MYH9: variants seen among roughly 807,000 people sequenced by gnomAD.
The protein encoded by MYH9 is myosin-9.
In MYH9, 29 loss-of-function variants were observed where a neutral mutation model predicts 241.9. The observed-to-expected ratio is 0.12, with a 90% CI of 0.09 to 0.16. The LOEUF is 0.16. MYH9 is among the 10% of genes least tolerant of loss of function. MYH9 has a pLI of 1.00. For missense variants in MYH9, 1,803 were observed against 2,595.5 expected, an observed-to-expected ratio of 0.69 and a Z score of 6.63; for synonymous variants, 1,047 against 1,062.6, an observed-to-expected ratio of 0.99 and a Z score of 0.29.
intron 1 of MYH9, among the ~76,000 whole-genome samples, chr22:36,368,297 T>C (rs1470972806): frequency 1.3e-5 from 2 of 152,226 alleles, no homozygotes; most frequent in Admixed American, 6.5e-5. Flanking sequence ...ATTCTAGTGG[T>C]ATCCCGTTTT....
intron 1 of MYH9, among the ~76,000 whole-genome samples, chr22:36,377,568 C>A (rs1414621321): frequency 6.6e-6 from 1 of 152,178 alleles, no homozygotes; most frequent in Admixed American, 6.5e-5. Context: ...TTAATCACCG[C>A]ACCTTGTTAT....
Position 36,301,572 on chromosome 22 carries a change from C to G in MYH9, c.2593G>C (p.Glu865Gln), listed in dbSNP as rs780342410. ...VKVREKQLAA[E>Q]NRLTEMETLQ... ...GTCTCCATCTCCGTGAGCCTGTTCT[C>G]CGCAGCCAGCTGCTTCTCTCTGACC... The change falls in exon 21 of 41, where the codon GAG becomes CAG. Residue 865 changes from glutamate (E) to glutamine (Q), a missense_variant. Glu to Gln is a conservative substitution (Grantham distance 29). This residue lies in a region of MYH9 where 290 missense variants were observed against 360.5 expected (regional missense o/e 0.80). Transcript: ENST00000216181. 2.5e-6 allele frequency: 4 copies of G among 1,614,004 alleles called. No homozygotes were observed. The highest frequency in any genetic ancestry group is 2.5e-6 in the Non-Finnish European group (3 of 1,180,038).
Position 36,306,316 on chromosome 22 carries a change from T to C in MYH9, c.2037+98A>G, listed in dbSNP as rs2016969262. ...AAACGACTGAAGGCTCTGTGCATGC[T>C]GGGGGGCTGGAGGGGTGCTTTTGCT... On this transcript the variant is annotated intron_variant, in intron 16 of 40. Coordinates refer to ENST00000216181, the MANE Select transcript of MYH9 (RefSeq NM_002473.6). The surrounding 1 kb of genome is among the most constrained non-coding windows in gnomAD (Gnocchi z 4.1). 1 of 1,491,068 alleles carries C rather than the reference T, an allele frequency of 6.7e-7. No individual in the cohort carries two copies. The highest frequency in any genetic ancestry group is 2.4e-5 in the East Asian group (1 of 42,374). The allele number at this position is 1,491,068 out of a possible 1,614,324, so 92.4% of individuals were successfully genotyped here.
chr22:36,301,043 T>C lies in MYH9; in HGVS notation c.2646A>G (p.Lys882=), dbSNP rs1382491012. 12 of 1,610,230 alleles carry C rather than the reference T, an allele frequency of 7.5e-6. No individual in the cohort carries two copies. In the South Asian group the frequency reaches 1.3e-4, roughly 18 times the overall value. The change falls in exon 22 of 41, where the codon AAA becomes AAG. Residue 882 remains lysine, a synonymous_variant. Transcript: ENST00000216181. ...ETLQSQLMAE[K]LQLQEQLQAE... is the part of the protein sequence containing the mutation. Reference sequence around the variant, plus strand: ...CCTGGAGCTGCTCCTGCAGCTGCAATTTCTCTGCCATGAGCTGCAAACAAC... The same window carrying C: ...CCTGGAGCTGCTCCTGCAGCTGCAACTTCTCTGCCATGAGCTGCAAACAAC...
chr22:36,348,172 A>T (rs1161737649), intron 2 of MYH9, among the ~76,000 whole-genome samples: 4 of 149,738 alleles, frequency 2.7e-5, no homozygotes, highest in African/African-American at 9.7e-5. Context: ...ATAAAATGTT[A>T]AAAAAGAAGA....
intron 10 of MYH9, among the ~76,000 whole-genome samples, chr22:36,319,041 T>G (rs554694965): frequency 1.1e-4 from 16 of 152,210 alleles, no homozygotes; most frequent in African/African-American, 2.6e-4. Context: ...GGATTACAGA[T>G]GTGAGCCACC....
Position 36,326,765 on chromosome 22 carries a change from C to T in MYH9, c.519-104G>A, listed in dbSNP as rs972064216. 76 of 962,998 alleles carry T rather than the reference C, an allele frequency of 7.9e-5. No homozygotes were observed. In the East Asian group the frequency reaches 1.7e-3, roughly 21 times the overall value. The allele number at this position is 962,998 out of a possible 1,614,324, so 59.7% of individuals were successfully genotyped here. A position where few individuals can be genotyped will look rare whatever the true frequency, so the allele number is the denominator to read the frequency against. On this transcript the variant is annotated intron_variant, in intron 4 of 40. Coordinates refer to ENST00000216181, the MANE Select transcript of MYH9 (RefSeq NM_002473.6). The stretch of plus-strand genomic sequence containing the variant: ...ACTGCCTCGCATTCTGTTGGGTGCC[C>T]GTGAAGGACCCAACGTGTGGCAGAA...
At chr22:36,289,401 T>C (rs2146332440) in intron 31 of MYH9, 104 bp from the exon 32 acceptor site, 1 of 1,082,982 alleles carries the variant, frequency 9.2e-7, no homozygotes, top group Non-Finnish European at 1.4e-6. Context: ...GAGGCCACGG[T>C]GGAGAGGAGC....
At position 36,281,343 on chromosome 22, in the gene MYH9, T is replaced by A. The variant is rs1229388033; in HGVS notation, c.*1325A>T. ...ACATCTGTAAACCAGCTTACTGTAG[T>A]GGTGACAGCTGCAACACATGCTAAG... is the stretch of plus-strand genomic sequence containing the variant. On this transcript the variant is annotated 3_prime_UTR_variant, in exon 41 of 41. Transcript: ENST00000216181. 1 of 217,288 alleles carries A rather than the reference T, an allele frequency of 4.6e-6. No homozygotes were observed. Among genetic ancestry groups the A allele is most frequent in the Non-Finnish European group, 9.3e-6 (1 of 107,836 alleles). 13.5% of individuals were successfully genotyped at this position (217,288 alleles called of 1,614,324 possible).
At chr22:36,331,394 C>A (rs1003758113) in intron 3 of MYH9, among the ~76,000 whole-genome samples, 44 of 152,288 alleles carry the variant, frequency 2.9e-4, no homozygotes, top group African/African-American at 1.1e-3. Context: ...ATTTCATTTT[C>A]AACCGAAAAT....
Position 36,289,156 on chromosome 22 carries a change from C to G in MYH9, c.4486G>C (p.Glu1496Gln), listed in dbSNP as rs1356604260. Residue 1496 changes from glutamate to glutamine, a missense_variant, in exon 32 of 41, where the codon GAG (glutamate) becomes CAG (glutamine). Around this residue, in one of 11 missense-constraint regions of MYH9, gnomAD observed 876 missense variants for 1,077.8 expected, o/e 0.81. Transcript: ENST00000216181. ...GTGCGGAACTGCTTGTTGAGCCGCT[C>G]CAGCTCCGCCTTCTGCTCCATGGCT... Reference protein sequence around the residue: ...EEAMEQKAELERLNKQFRTEM... With the variant: ...EEAMEQKAELQRLNKQFRTEM... The G allele has an allele frequency of 6.2e-7, 1 of 1,614,014 alleles. No individual in the cohort carries two copies. The highest frequency in any genetic ancestry group is 8.5e-7 in the Non-Finnish European group (1 of 1,180,044).
At chr22:36,353,916 T>C (rs1249099044) in intron 1 of MYH9, among the ~76,000 whole-genome samples, 1 of 152,146 alleles carries the variant, frequency 6.6e-6, no homozygotes, top group Admixed American at 6.5e-5. Context: ...GTTTTTGTTT[T>C]TTGAGATGAA....
At position 36,293,580 on chromosome 22, in the gene MYH9, A is replaced by C. The variant is rs982921879; in HGVS notation, c.3943-99T>G. Reference sequence around the variant, plus strand: ...GGAGAGGGAGGAGCTGGTCCTGCTGATTTAGGGGATGGCCACGTAAAGACC... The same window carrying C: ...GGAGAGGGAGGAGCTGGTCCTGCTGCTTTAGGGGATGGCCACGTAAAGACC... On this transcript the variant is annotated intron_variant, in intron 29 of 40. Transcript: ENST00000216181. The surrounding 1 kb of genome is among the most constrained non-coding windows in gnomAD (Gnocchi z 5.1). 6.5e-7 allele frequency: 1 copy of C among 1,540,020 alleles called. No individual in the cohort carries two copies. The highest frequency in any genetic ancestry group is 1.4e-5 in the African/African-American group (1 of 73,508).
At chr22:36,309,148 G>T in intron 15 of MYH9, 134 bp downstream of exon 15, 1 of 802,404 alleles carries the variant, frequency 1.2e-6, no homozygotes, top group South Asian at 1.5e-5. Flanking sequence ...GGGAGCTACA[G>T]AGGGCAGAGA....
At chr22:36,345,539 C>A (rs1204166781) in intron 2 of MYH9, among the ~76,000 whole-genome samples, 6 of 152,088 alleles carry the variant, frequency 3.9e-5, no homozygotes, top group South Asian at 4.1e-4. Context: ...CCAAGAGGAG[C>A]GCCTCCCAAT....
intron 25 of MYH9, 103 bp downstream of exon 25, chr22:36,296,740 A>G (rs949089601): frequency 1.7e-5 from 22 of 1,330,970 alleles, no homozygotes; most frequent in Admixed American, 2.8e-5. Flanking sequence ...ACAACAGTGG[A>G]AAGAATGCTC....
At chr22:36,318,908 C>A (rs933818117) in intron 10 of MYH9, among the ~76,000 whole-genome samples, 1 of 152,044 alleles carries the variant, frequency 6.6e-6, no homozygotes, top group Non-Finnish European at 1.5e-5. Context: ...GGATTACAGG[C>A]GCACGCCACC....
chr22:36,327,421 G>T, intron 4 of MYH9, 40 bp downstream of exon 4: 2 of 1,612,308 alleles, frequency 1.2e-6, no homozygotes, highest in Non-Finnish European at 1.7e-6. Context: ...AGAACAGACT[G>T]GGGTGAAACG....
intron 1 of MYH9, among the ~76,000 whole-genome samples, chr22:36,358,125 C>T (rs1463521359): frequency 3.9e-5 from 6 of 152,184 alleles, no homozygotes; most frequent in Admixed American, 1.3e-4. Context: ...AATGCAGTGG[C>T]GTGATCTTGG....
Sources: allele counts gnomAD v4.1 joint callset (sites outside exome capture counted in the v4.1 genomes callset), GRCh38; gene constraint gnomAD v4.1.1; regional missense constraint gnomAD v4.1.1; non-coding constraint Gnocchi (gnomAD v3.1); transcripts MANE v1.5; gene names NCBI Gene and HGNC (gene_info 2026-07-23, HGNC 2026-07-21).